PRKAR2A: variants seen among roughly 807,000 people sequenced by gnomAD.
PRKAR2A encodes protein kinase cAMP-dependent type II regulatory subunit alpha, also known as cAMP-dependent protein kinase type II-alpha regulatory subunit.
A neutral mutation model predicts 51.9 loss-of-function variants in PRKAR2A; 29 were observed. The ratio of observed to expected loss-of-function variants is 0.56; its 90% CI spans 0.42 to 0.76. PRKAR2A has a LOEUF of 0.76. Among genes scored for constraint, PRKAR2A ranks in the 30% least tolerant of loss-of-function variants. PRKAR2A has a pLI of 0.00. For missense variants in PRKAR2A, 445 were observed against 512.1 expected (o/e 0.87, Z 1.26); for synonymous variants, 178 against 186.2 (o/e 0.96, Z 0.36).
rs2081601505 is a variant in PRKAR2A, at chr3:48,748,765, A to T, written c.*2820T>A. The T allele has an allele frequency of 6.6e-6, 1 of 152,218 alleles. No individual in the cohort carries two copies. The highest frequency in any genetic ancestry group is 1.5e-5 in the Non-Finnish European group (1 of 68,040). 9.4% of individuals were successfully genotyped at this position (152,218 alleles called of 1,614,324 possible). A position where few individuals can be genotyped will look rare whatever the true frequency, so the allele number is the denominator to read the frequency against. On this transcript the variant is annotated 3_prime_UTR_variant, in exon 11 of 11. Coordinates refer to ENST00000265563, the MANE Select transcript of PRKAR2A (RefSeq NM_004157.4). The stretch of plus-strand genomic sequence containing the variant: ...AAACTGGTGTGGTTCTTGTCTGCTA[A>T]GGGCAAGACCTGTTTTCTGAATTTA...
chr3:48,791,630 C>T (rs1419312174), intron 3 of PRKAR2A, among the ~76,000 whole-genome samples: 1 of 137,334 alleles, frequency 7.3e-6, no homozygotes, highest in Non-Finnish European at 1.5e-5. Context: ...GGCATGGTGG[C>T]TCACTCCTGT....
At chr3:48,792,972 G>A (rs2107318954) in intron 3 of PRKAR2A, among the ~76,000 whole-genome samples, 1 of 150,658 alleles carries the variant, frequency 6.6e-6, no homozygotes, top group South Asian at 2.1e-4. Flanking sequence ...CAATTGTACA[G>A]AAGTTTAAAA....
intron 1 of PRKAR2A, among the ~76,000 whole-genome samples, chr3:48,809,062 T>C (rs968957367): frequency 3.3e-5 from 5 of 152,242 alleles, no homozygotes; most frequent in Admixed American, 2.0e-4. Context: ...ATTACAGGTG[T>C]GAACCACCGC....
intron 4 of PRKAR2A, among the ~76,000 whole-genome samples, chr3:48,785,862 T>C (rs778790345): frequency 1.4e-4 from 21 of 152,218 alleles, no homozygotes; most frequent in Non-Finnish European, 2.8e-4. Context: ...TGTGGTATAA[T>C]GTTAACAACT....
At chr3:48,763,299 A>G (rs1191929204) in intron 8 of PRKAR2A, among the ~76,000 whole-genome samples, 1 of 152,058 alleles carries the variant, frequency 6.6e-6, no homozygotes, top group African/African-American at 2.4e-5. Context: ...GACAAAAGGG[A>G]CCTACAATAA....
chr3:48,781,739 C>T (rs1289073962), intron 5 of PRKAR2A, among the ~76,000 whole-genome samples: 2 of 151,978 alleles, frequency 1.3e-5, no homozygotes, highest in Non-Finnish European at 2.9e-5. Flanking sequence ...TCTCGAACTC[C>T]TGACCTCGTG....
In PRKAR2A at chr3:48,847,447, C is replaced by A; in HGVS notation, c.150G>T (p.Leu50=). The A allele has an allele frequency of 6.3e-7, 1 of 1,577,828 alleles. No homozygotes were observed. Among genetic ancestry groups the A allele is most frequent in the Non-Finnish European group, 8.6e-7 (1 of 1,161,824 alleles). The change falls in exon 1 of 11, where the codon CTG becomes CTT. Residue 50 remains leucine, a synonymous_variant. Coordinates refer to ENST00000265563, the MANE Select transcript of PRKAR2A (RefSeq NM_004157.4). This position sits in a 1 kb window ranked among gnomAD's most constrained non-coding sequence, Gnocchi z 4.4. The stretch of plus-strand genomic sequence containing the variant: ...GGCTCTGGCGTGGGGTGGCGGCGGG[C>A]AGGACTGAGGCTGGGGCGCGGGCCT... The part of the protein sequence containing the change: ...LREARAPASV[L]PAATPRQSLG...
intron 2 of PRKAR2A, among the ~76,000 whole-genome samples, chr3:48,801,570 T>C (rs868302789): frequency 6.6e-6 from 1 of 152,126 alleles, no homozygotes; most frequent in African/African-American, 2.4e-5. Flanking sequence ...ATTACAGGCA[T>C]GAGCTACCAT....
At chr3:48,807,297 A>C (rs2082688383) in intron 2 of PRKAR2A, among the ~76,000 whole-genome samples, 1 of 152,182 alleles carries the variant, frequency 6.6e-6, no homozygotes, top group Non-Finnish European at 1.5e-5. Context: ...ACCAAAACTG[A>C]GGAAATAATT....
intron 1 of PRKAR2A, among the ~76,000 whole-genome samples, chr3:48,840,045 G>A (rs145713957): frequency 2.0e-5 from 3 of 152,054 alleles, no homozygotes; most frequent in African/African-American, 4.8e-5. Context: ...CCAAGCCCTC[G>A]GTTAGCTCTC....
chr3:48,819,043 C>T (rs1369618939), intron 1 of PRKAR2A, among the ~76,000 whole-genome samples: 2 of 151,886 alleles, frequency 1.3e-5, no homozygotes, highest in East Asian at 3.9e-4. Context: ...GCTCTTGTTG[C>T]CCAGGCTGGA....
At chr3:48,773,168 G>T (rs1457151079) in intron 5 of PRKAR2A, 60 bp from the exon 6 acceptor site, 7 of 1,354,090 alleles carry the variant, frequency 5.2e-6, no homozygotes, top group African/African-American at 4.4e-5. Context: ...GTTAAGAACT[G>T]GCAGGTACAT....
chr3:48,810,672 C>T (rs543418672), intron 1 of PRKAR2A, among the ~76,000 whole-genome samples: 87 of 152,056 alleles, frequency 5.7e-4, no homozygotes, highest in Non-Finnish European at 1.3e-4. Flanking sequence ...GTGGTACCCA[C>T]GGATACAAAG....
At chr3:48,826,717 G>C (rs1209149565) in intron 1 of PRKAR2A, among the ~76,000 whole-genome samples, 2 of 151,826 alleles carry the variant, frequency 1.3e-5, no homozygotes, top group Non-Finnish European at 2.9e-5. Flanking sequence ...TGATCCAAAA[G>C]GCTCATGAAT....
chr3:48,755,437 C>G (rs1193069555), intron 9 of PRKAR2A, among the ~76,000 whole-genome samples: 1 of 152,146 alleles, frequency 6.6e-6, no homozygotes, highest in South Asian at 2.1e-4. Context: ...ACAGATTTAC[C>G]AGTAACAGTC....
chr3:48,762,527 C>T (rs1265510896), intron 8 of PRKAR2A, among the ~76,000 whole-genome samples: 1 of 152,088 alleles, frequency 6.6e-6, no homozygotes, highest in Admixed American at 6.6e-5. Context: ...CCCAGCTACT[C>T]GGGAGGCTGA....
At chr3:48,798,284 CA>C (rs1293243443) in intron 2 of PRKAR2A, among the ~76,000 whole-genome samples, 1 of 152,106 alleles carries the variant, frequency 6.6e-6, no homozygotes, top group Non-Finnish European at 1.5e-5. Flanking sequence ...CTTTTTGCAT[CA>C]TCTTGGGTAT....
At chr3:48,773,720 T>C (rs988436258) in intron 5 of PRKAR2A, among the ~76,000 whole-genome samples, 1 of 151,164 alleles carries the variant, frequency 6.6e-6, no homozygotes, top group African/African-American at 2.4e-5. Context: ...TTCCTTTTTT[T>C]CCCCCCATCT....
intron 1 of PRKAR2A, among the ~76,000 whole-genome samples, chr3:48,813,920 T>TC (rs1285794875): frequency 6.6e-6 from 1 of 151,920 alleles, no homozygotes; most frequent in Middle Eastern, 3.2e-3. Context: ...GGTCAGGAGT[T>TC]CAAGACCAAC....
Sources: allele counts gnomAD v4.1 joint callset (sites outside exome capture counted in the v4.1 genomes callset), GRCh38; gene constraint gnomAD v4.1.1; non-coding constraint Gnocchi (gnomAD v3.1); transcripts MANE v1.5; gene names NCBI Gene and HGNC (gene_info 2026-07-23, HGNC 2026-07-21).